Variants in ESRRG observed in about 807,000 individuals in gnomAD.
ESRRG encodes estrogen-related receptor gamma.
A neutral mutation model predicts 44.0 loss-of-function variants in ESRRG; 13 were observed. The observed-to-expected ratio is 0.30, with a 90% CI of 0.19 to 0.47. The LOEUF is 0.47. Among genes scored for constraint, ESRRG ranks in the 20% least tolerant of loss-of-function variants. The pLI is 1.00. For synonymous variants in ESRRG, 215 were observed against 214.6 expected (o/e 1.00, Z -0.02); for missense variants, 395 against 580.6 (o/e 0.68, Z 3.29).
chr1:216,842,922 G>A (rs915438204), intron 2 of ESRRG, among the ~76,000 whole-genome samples: 4 of 152,140 alleles, frequency 2.6e-5, no homozygotes, highest in Admixed American at 2.6e-4. Context: ...ATAAAAACCA[G>A]TAAGCTGGAA....
chr1:216,844,140 T>C (rs1050046480), intron 2 of ESRRG, among the ~76,000 whole-genome samples: 2 of 151,996 alleles, frequency 1.3e-5, no homozygotes, highest in Admixed American at 6.6e-5. Context: ...TCCAGCCATA[T>C]GAACCTCATT....
intron 2 of ESRRG, among the ~76,000 whole-genome samples, chr1:216,926,277 C>T (rs1016561331): frequency 6.6e-6 from 1 of 152,194 alleles, no homozygotes; most frequent in Non-Finnish European, 1.5e-5. Flanking sequence ...ACACCACACT[C>T]TCATAACTGA....
chr1:216,852,666 G>A (rs2095859591), intron 2 of ESRRG, among the ~76,000 whole-genome samples: 1 of 152,098 alleles, frequency 6.6e-6, no homozygotes, highest in African/African-American at 2.4e-5. Flanking sequence ...TTGATTTATA[G>A]GATGCTCAAT....
intron 3 of ESRRG, among the ~76,000 whole-genome samples, chr1:216,616,062 C>A (rs2061392873): frequency 6.6e-6 from 1 of 152,096 alleles, no homozygotes; most frequent in Non-Finnish European, 1.5e-5. Context: ...TTTCTATAGC[C>A]AGGATAAAGC....
intron 1 of ESRRG, among the ~76,000 whole-genome samples, chr1:217,015,826 T>A (rs1400270833): frequency 6.6e-6 from 1 of 151,056 alleles, no homozygotes; most frequent in Non-Finnish European, 1.5e-5. Context: ...ACCTCCCAGG[T>A]TCAAATGATT....
chr1:216,782,555 T>C (rs1288324760), intron 2 of ESRRG, among the ~76,000 whole-genome samples: 1 of 152,116 alleles, frequency 6.6e-6, no homozygotes, highest in East Asian at 1.9e-4. Flanking sequence ...GTCTTTTAGC[T>C]TTCTTTTCTT....
chr1:217,127,471 G>A (rs2102522771), intron 1 of ESRRG, among the ~76,000 whole-genome samples: 1 of 152,334 alleles, frequency 6.6e-6, no homozygotes, highest in Non-Finnish European at 1.5e-5. Context: ...AGCATTGCTA[G>A]ACCTTCCAGT....
At chr1:216,803,174 G>A (rs1197932321) in intron 2 of ESRRG, among the ~76,000 whole-genome samples, 2 of 152,004 alleles carry the variant, frequency 1.3e-5, no homozygotes, top group South Asian at 2.1e-4. Context: ...TGGAGGGAAC[G>A]GAATGCTGGC....
intron 3 of ESRRG, among the ~76,000 whole-genome samples, chr1:216,569,369 G>A (rs555493712): frequency 1.1e-4 from 16 of 152,218 alleles, no homozygotes; most frequent in Non-Finnish European, 2.2e-4. Context: ...GGGCTAAAGG[G>A]TGAAGCTGGA....
At chr1:216,568,182 G>A (rs950782516) in intron 3 of ESRRG, 84 bp from the exon 4 acceptor site, 2 of 915,670 alleles carry the variant, frequency 2.2e-6, no homozygotes, top group Non-Finnish European at 1.8e-6. Context: ...TCCCCCAAGA[G>A]CACATAGGTG....
At chr1:216,940,098 T>A (rs1283980869) in intron 1 of ESRRG, among the ~76,000 whole-genome samples, 1 of 152,186 alleles carries the variant, frequency 6.6e-6, no homozygotes, top group African/African-American at 2.4e-5. Context: ...TCTCAAAATG[T>A]ATGCATTTCT....
At chr1:216,930,389 C>T (rs1048775140) in intron 2 of ESRRG, among the ~76,000 whole-genome samples, 1 of 152,166 alleles carries the variant, frequency 6.6e-6, no homozygotes, top group African/African-American at 2.4e-5. Context: ...AGCTCACTTC[C>T]TTCTGAGGTT....
chr1:216,938,587 AT>A (rs1281046703), intron 2 of ESRRG, among the ~76,000 whole-genome samples: 2 of 152,202 alleles, frequency 1.3e-5, no homozygotes, highest in African/African-American at 4.8e-5. Flanking sequence ...CTAAAGTGCC[AT>A]TTTCCACACT....
chr1:216,608,466 C>T (rs1490037119), intron 3 of ESRRG, among the ~76,000 whole-genome samples: 1 of 152,164 alleles, frequency 6.6e-6, no homozygotes. Context: ...TACTTCTAGA[C>T]ATCTAAGACC....
chr1:216,624,504 C>T (rs190486345), intron 3 of ESRRG, among the ~76,000 whole-genome samples: 106 of 152,276 alleles, frequency 7.0e-4, no homozygotes, highest in African/African-American at 2.3e-3. Flanking sequence ...ATCATTTTTA[C>T]GCCCTACCTG....
chr1:216,779,106 A>G lies in ESRRG; in HGVS notation c.-13-101615T>C, dbSNP rs1412409631. ...TATTATGTGGAGGCTTAAACTATAT[A>G]TATATATATATAATTATATATGTAA... On this transcript the variant is annotated intron_variant, in intron 2 of 7. Coordinates refer to the ESRRG transcript ENST00000359162. 3.1e-5 allele frequency among the ~76,000 whole-genome samples: 4 copies of G among 127,380 alleles called. No individual in the cohort carries two copies. In the East Asian group the frequency reaches 6.6e-4, roughly 21 times the overall value. The allele number at this position is 127,380 out of a possible 152,430, so 83.6% of individuals were successfully genotyped here.
intron 3 of ESRRG, among the ~76,000 whole-genome samples, chr1:216,610,484 A>G (rs1028798926): frequency 6.6e-6 from 1 of 152,164 alleles, no homozygotes; most frequent in African/African-American, 2.4e-5. Flanking sequence ...CATCTTAAAC[A>G]GTCTCTGATC....
chr1:216,654,551 C>T (rs997138261), intron 2 of ESRRG, among the ~76,000 whole-genome samples: 3 of 151,616 alleles, frequency 2.0e-5, no homozygotes, highest in Non-Finnish European at 4.4e-5. Context: ...ATTGCTTGAA[C>T]CCAGGAGAAG....
At chr1:216,916,272 C>T (rs976656611) in intron 2 of ESRRG, among the ~76,000 whole-genome samples, 4 of 152,284 alleles carry the variant, frequency 2.6e-5, no homozygotes, top group South Asian at 4.1e-4. Context: ...TCTCCCTGAC[C>T]GCTGCATGCT....
Sources: allele counts gnomAD v4.1 joint callset (sites outside exome capture counted in the v4.1 genomes callset), GRCh38; gene constraint gnomAD v4.1.1; transcripts MANE v1.5; gene names NCBI Gene and HGNC (gene_info 2026-07-23, HGNC 2026-07-21).